ALDH1L1: variants seen among roughly 807,000 people sequenced by gnomAD.
ALDH1L1 encodes cytosolic 10-formyltetrahydrofolate dehydrogenase.
In ALDH1L1, 68 loss-of-function variants were observed where a neutral mutation model predicts 101.1. That is an observed-to-expected ratio of 0.67 (90% CI 0.55 to 0.82). The LOEUF (loss-of-function observed/expected upper bound fraction) is 0.82, where lower values mean the gene tolerates loss of function less well. Among genes scored for constraint, ALDH1L1 ranks in the 40% least tolerant of loss-of-function variants. The pLI is 0.00. For missense variants in ALDH1L1, 1,087 were observed against 1,172.7 expected, an observed-to-expected ratio of 0.93 and a Z score of 1.07; for synonymous variants, 486 against 470.8, an observed-to-expected ratio of 1.03 and a Z score of -0.42.
chr3:126,134,321 A>T, intron 12 of ALDH1L1, among the ~76,000 whole-genome samples: 1 of 152,190 alleles, frequency 6.6e-6, no homozygotes, highest in East Asian at 1.9e-4. Context: ...GTTATGATAC[A>T]AGCCACCAGA....
chr3:126,157,103 CCT>C (rs1377659949), intron 4 of ALDH1L1, among the ~76,000 whole-genome samples: 1 of 152,162 alleles, frequency 6.6e-6, no homozygotes, highest in African/African-American at 2.4e-5. Context: ...CAAAATGTCC[CCT>C]TTTTGCCAAA....
intron 9 of ALDH1L1, among the ~76,000 whole-genome samples, chr3:126,139,236 T>G (rs576118940): frequency 1.3e-5 from 2 of 152,234 alleles, no homozygotes; most frequent in African/African-American, 4.8e-5. Context: ...GGCAATACTT[T>G]CCCTCCACTT....
chr3:126,170,569 G>A (rs970196842), intron 1 of ALDH1L1, among the ~76,000 whole-genome samples: 1 of 151,794 alleles, frequency 6.6e-6, no homozygotes, highest in Non-Finnish European at 1.5e-5. Context: ...TGGCCATTTC[G>A]CAACTACCCA....
At chr3:126,131,333 T>C (rs747946099) in intron 13 of ALDH1L1, 51 bp downstream of exon 13, 2 of 1,510,024 alleles carry the variant, frequency 1.3e-6, no homozygotes, top group Non-Finnish European at 1.8e-6. Flanking sequence ...TTCTCCTATA[T>C]GGCTGGGCCA....
At position 126,137,858 on chromosome 3, in the gene ALDH1L1, C is replaced by T; in HGVS notation, c.1179G>A (p.Arg393=). The change falls in exon 10 of 23, where the codon AGG becomes AGA. Residue 393 remains arginine, a synonymous_variant. Transcript: ENST00000393434. Reference sequence around the variant, plus strand: ...CCTCCTCATCGTCCCCTCGCAGCTTCCTCACTAACAGCTGGATGAAGTCCC... The same window carrying T: ...CCTCCTCATCGTCCCCTCGCAGCTTTCTCACTAACAGCTGGATGAAGTCCC... The part of the protein sequence containing the change: ...TFGDFIQLLV[R]KLRGDDEEGE... 3 of 1,614,238 alleles carry T rather than the reference C, an allele frequency of 1.9e-6. No individual in the cohort carries two copies. The highest frequency in any genetic ancestry group is 1.1e-5 in the South Asian group (1 of 91,078).
chr3:126,175,914 A>G (rs2081357811), intron 1 of ALDH1L1, among the ~76,000 whole-genome samples: 1 of 152,196 alleles, frequency 6.6e-6, no homozygotes, highest in South Asian at 2.1e-4. Flanking sequence ...TCTTGTTCTC[A>G]AAAAACATAA....
At position 126,158,471 on chromosome 3, in the gene ALDH1L1, C is replaced by G; in HGVS notation, c.296G>C (p.Arg99Pro). Residue 99 changes from arginine (R) to proline (P), a missense_variant, in exon 3 of 23, where the codon CGG becomes CCG. By Grantham distance (103) the Arg-to-Pro change is moderately radical. Coordinates refer to ENST00000393434, the MANE Select transcript of ALDH1L1 (RefSeq NM_012190.4). The part of the protein sequence containing the change: ...FIPMEIISAP[R>P]HGSIIYHPSL... ...CGGGTGATAGATGATGGAGCCATGCCGGGGGGCACTGATTATCTCCATGGG... is the reference window on the plus strand; with the variant it reads ...CGGGTGATAGATGATGGAGCCATGCGGGGGGGCACTGATTATCTCCATGGG... 1.2e-6 allele frequency: 2 copies of G among 1,613,778 alleles called. No individual in the cohort carries two copies. The highest frequency in any genetic ancestry group is 1.7e-6 in the Non-Finnish European group (2 of 1,179,840).
At chr3:126,149,119 C>G (rs2108276213) in intron 8 of ALDH1L1, among the ~76,000 whole-genome samples, 1 of 152,326 alleles carries the variant, frequency 6.6e-6, no homozygotes, top group East Asian at 1.9e-4. Context: ...GGTTTGCAAA[C>G]TGGTCACTGG....
chr3:126,135,777 G>T, intron 11 of ALDH1L1, 115 bp from the exon 12 acceptor site: 1 of 1,284,992 alleles, frequency 7.8e-7, no homozygotes, highest in Non-Finnish European at 1.0e-6. Context: ...CTGTCCACAT[G>T]AGCAGGTGTG....
At chr3:126,189,354 A>G (rs1458794793) in intron 1 of ALDH1L1, among the ~76,000 whole-genome samples, 3 of 152,230 alleles carry the variant, frequency 2.0e-5, no homozygotes, top group African/African-American at 7.2e-5. Flanking sequence ...GTTCCCACGT[A>G]TTGGGAAAAC....
chr3:126,114,414 C>G lies in ALDH1L1; in HGVS notation c.2082+143G>C, dbSNP rs947602675. ...CATTCTTCCCTAAGCCTGCTGCCTG[C>G]CACGCTATGCTTGTGATGACGCTAT... On this transcript the variant is annotated intron_variant, in intron 18 of 22. Transcript: ENST00000393434. The G allele has an allele frequency of 7.0e-6, 4 of 571,106 alleles. No homozygotes were observed. In the African/African-American group the frequency reaches 7.6e-5, roughly 11 times the overall value. 35.4% of individuals were successfully genotyped at this position (571,106 alleles called of 1,614,324 possible).
In ALDH1L1 at chr3:126,139,870, G is replaced by C. The variant is rs186080804; in HGVS notation, c.1077-1910C>G. On this transcript the variant is annotated intron_variant, in intron 9 of 22. Coordinates refer to ENST00000393434, the MANE Select transcript of ALDH1L1 (RefSeq NM_012190.4). ...AATTATCCAGTCTGAGAAGCAGAAA[G>C]AAAAAAGAATGAAGAAAAATGAAAA... Among the ~76,000 whole-genome samples, 521 of 151,974 alleles carry C rather than the reference G, an allele frequency of 3.4e-3. 6 individuals carry two copies. Among genetic ancestry groups the C allele is most frequent in the African/African-American group, 0.012 (495 of 41,470 alleles).
chr3:126,117,314 C>G (rs62263531), intron 17 of ALDH1L1, among the ~76,000 whole-genome samples: 17,808 of 151,274 alleles, frequency 0.12, 1,178 homozygotes, highest in African/African-American at 0.18. Flanking sequence ...TTATTTAACC[C>G]AACTAATCAA....
At chr3:126,115,564 G>A (rs914487518) in intron 17 of ALDH1L1, 1 of 150,798 alleles carries the variant, frequency 6.6e-6, no homozygotes, top group Non-Finnish European at 1.5e-5. Context: ...AGTTTTGTTT[G>A]TTTGTTTTGT....
intron 13 of ALDH1L1, among the ~76,000 whole-genome samples, chr3:126,130,943 GC>G (rs2080287870): frequency 1.3e-5 from 2 of 152,212 alleles, no homozygotes; most frequent in South Asian, 4.1e-4. Flanking sequence ...AACTGCAGGA[GC>G]CCCCAGAAAA....
At chr3:126,105,491 T>G (rs4646755) in intron 22 of ALDH1L1, 141,003 of 560,820 alleles carry the variant, frequency 0.25, 19,044 homozygotes, top group Middle Eastern at 0.3. Context: ...GCCTCCTGGC[T>G]GGAGTGTCTC....
intron 13 of ALDH1L1, among the ~76,000 whole-genome samples, chr3:126,131,119 C>T (rs1399002962): frequency 6.6e-6 from 1 of 152,246 alleles, no homozygotes; most frequent in Non-Finnish European, 1.5e-5. Flanking sequence ...CGTCTGGATG[C>T]AGGTTCTGTC....
At chr3:126,167,729 T>C (rs1198893670) in intron 1 of ALDH1L1, among the ~76,000 whole-genome samples, 1 of 152,132 alleles carries the variant, frequency 6.6e-6, no homozygotes. Flanking sequence ...TAGTAAGCAT[T>C]CACATGTCGG....
At chr3:126,114,873 C>T in intron 17 of ALDH1L1, 1 of 609,242 alleles carries the variant, frequency 1.6e-6, no homozygotes, top group Admixed American at 2.1e-5. Flanking sequence ...GCCCCACTGC[C>T]CCCTGGACTG....
Sources: gnomAD v4.1 joint callset for allele counts (sites outside exome capture counted in the v4.1 genomes callset) on GRCh38, gnomAD v4.1.1 for gene constraint, MANE v1.5 for transcripts, NCBI Gene and HGNC (gene_info 2026-07-23, HGNC 2026-07-21) for gene names.